The following JMJD1C variants were observed in gnomAD, a reference collection of about 807,000 sequenced individuals.
JMJD1C encodes jumonji domain containing 1C, also known as jumonji domain-containing protein 1C.
A neutral mutation model predicts 245.3 loss-of-function variants in JMJD1C; 31 were observed. That is an observed-to-expected ratio of 0.13 (90% CI 0.09 to 0.17). JMJD1C has a LOEUF of 0.17. Ranked by LOEUF, JMJD1C falls within the 10% of genes least tolerant of loss-of-function variation. The pLI is 1.00. For synonymous variants in JMJD1C, 1,057 were observed against 1,017.4 expected, an observed-to-expected ratio of 1.04 and a Z score of -0.74; for missense variants, 2,691 against 3,000.2, an observed-to-expected ratio of 0.90 and a Z score of 2.41.
chr10:63,441,938 A>G (rs1005475125), intron 1 of JMJD1C, among the ~76,000 whole-genome samples: 16 of 152,364 alleles, frequency 1.1e-4, no homozygotes, highest in African/African-American at 3.8e-4. Flanking sequence ...ACCCAAGTGA[A>G]TAACATGTAC....
intron 2 of JMJD1C, among the ~76,000 whole-genome samples, chr10:63,274,052 A>C (rs1856564779): frequency 6.6e-6 from 1 of 152,144 alleles, no homozygotes. Flanking sequence ...AAAGCAAAAA[A>C]CTCTGACAAG....
At chr10:63,245,138 A>T (rs1852019549) in intron 3 of JMJD1C, among the ~76,000 whole-genome samples, 1 of 140,336 alleles carries the variant, frequency 7.1e-6, no homozygotes, top group African/African-American at 2.9e-5. Context: ...TGTCTCAAAA[A>T]AAAAAAAAAA....
chr10:63,201,672 G>A (rs1294104705), intron 10 of JMJD1C, among the ~76,000 whole-genome samples: 1 of 152,080 alleles, frequency 6.6e-6, no homozygotes, highest in Non-Finnish European at 1.5e-5. Context: ...GCTCATGCCT[G>A]TAATCCCAGT....
intron 2 of JMJD1C, among the ~76,000 whole-genome samples, chr10:63,279,578 G>C (rs913272198): frequency 1.1e-4 from 17 of 152,256 alleles, no homozygotes; most frequent in Non-Finnish European, 2.2e-4. Context: ...GGATTGCTTT[G>C]AGACAGTGAG....
Position 63,246,697 on chromosome 10 carries a change from G to A in JMJD1C, c.447+17954C>T, listed in dbSNP as rs147234990. On this transcript the variant is annotated intron_variant, in intron 3 of 25. Coordinates refer to ENST00000399262, the MANE Select transcript of JMJD1C (RefSeq NM_032776.3). ...AAATACACAGACAATACAATGCCATGAAACAAGCCTCAACAAATTCAAAAA... is the reference window on the plus strand; with the variant it reads ...AAATACACAGACAATACAATGCCATAAAACAAGCCTCAACAAATTCAAAAA... Among the ~76,000 whole-genome samples the A allele has an allele frequency of 3.3e-3, 507 of 152,024 alleles. 3 individuals carry two copies. Among genetic ancestry groups the A allele is most frequent in the African/African-American group, 0.012 (483 of 41,472 alleles).
chr10:63,415,136 A>C (rs1467538408), intron 1 of JMJD1C, among the ~76,000 whole-genome samples: 1 of 152,186 alleles, frequency 6.6e-6, no homozygotes, highest in Non-Finnish European at 1.5e-5. Flanking sequence ...GTAAACATAT[A>C]GTTACTTAGA....
chr10:63,490,733 T>A (rs1398506884), intron 1 of JMJD1C, among the ~76,000 whole-genome samples: 1 of 152,188 alleles, frequency 6.6e-6, no homozygotes, highest in East Asian at 1.9e-4. Flanking sequence ...ATTTGCTTGC[T>A]TATTAACTGT....
intron 1 of JMJD1C, among the ~76,000 whole-genome samples, chr10:63,455,121 G>A (rs1952326760): frequency 1.3e-5 from 2 of 152,144 alleles, no homozygotes; most frequent in East Asian, 1.9e-4. Flanking sequence ...TAACAAAAAT[G>A]GTTATTTAAA....
chr10:63,378,212 C>T (rs188774308), intron 2 of JMJD1C, among the ~76,000 whole-genome samples: 1 of 152,100 alleles, frequency 6.6e-6, no homozygotes, highest in African/African-American at 2.4e-5. Flanking sequence ...TATCATTAAA[C>T]AGTATTTTCC....
chr10:63,226,796 G>GC (rs1849345223), intron 3 of JMJD1C, among the ~76,000 whole-genome samples: 1 of 150,968 alleles, frequency 6.6e-6, no homozygotes, highest in South Asian at 2.1e-4. Context: ...GGTGGCTCAT[G>GC]CCTGTAATCC....
intron 1 of JMJD1C, among the ~76,000 whole-genome samples, chr10:63,460,796 T>C (rs1425003072): frequency 6.6e-6 from 1 of 152,184 alleles, no homozygotes; most frequent in African/African-American, 2.4e-5. Flanking sequence ...CTAGTTAACA[T>C]TTTTACTTTC....
chr10:63,513,313 T>G (rs765589055), intron 1 of JMJD1C, among the ~76,000 whole-genome samples: 1 of 152,104 alleles, frequency 6.6e-6, no homozygotes, highest in Non-Finnish European at 1.5e-5. Context: ...TAACTCAAGA[T>G]GGATTTAAGA....
At chr10:63,381,524 T>A (rs576121574) in intron 1 of JMJD1C, among the ~76,000 whole-genome samples, 1 of 152,246 alleles carries the variant, frequency 6.6e-6, no homozygotes, top group East Asian at 1.9e-4. Context: ...AGAATGAGAC[T>A]CTGTCTATTC....
intron 1 of JMJD1C, among the ~76,000 whole-genome samples, chr10:63,415,123 T>C (rs1417988461): frequency 2.0e-5 from 3 of 152,156 alleles, no homozygotes; most frequent in Admixed American, 2.0e-4. Flanking sequence ...AGTATGACTT[T>C]GTGTAAACAT....
chr10:63,510,186 G>C (rs545574071), intron 1 of JMJD1C, among the ~76,000 whole-genome samples: 1 of 151,994 alleles, frequency 6.6e-6, no homozygotes, highest in East Asian at 1.9e-4. Context: ...TGTATTTTTA[G>C]TAGAGAGAGG....
chr10:63,401,368 TTG>T (rs1186873627), intron 1 of JMJD1C, among the ~76,000 whole-genome samples: 1 of 152,150 alleles, frequency 6.6e-6, no homozygotes, highest in Non-Finnish European at 1.5e-5. Flanking sequence ...TCGAAAATTG[TTG>T]TGTTTAATGT....
At chr10:63,181,604 T>C (rs1053269670) in intron 22 of JMJD1C, among the ~76,000 whole-genome samples, 7 of 152,146 alleles carry the variant, frequency 4.6e-5, no homozygotes, top group Non-Finnish European at 1.0e-4. Flanking sequence ...ACTTTTTAGA[T>C]AAAGAAAGAG....
intron 2 of JMJD1C, among the ~76,000 whole-genome samples, chr10:63,286,562 A>G (rs564553663): frequency 6.6e-6 from 1 of 152,302 alleles, no homozygotes; most frequent in South Asian, 2.1e-4. Flanking sequence ...AGGACCTTTA[A>G]ATAATTTACC....
At chr10:63,422,057 T>C (rs535198591) in intron 1 of JMJD1C, among the ~76,000 whole-genome samples, 1 of 152,284 alleles carries the variant, frequency 6.6e-6, no homozygotes, top group South Asian at 2.1e-4. Context: ...AAAAATACAA[T>C]GAAACATTTT....
Sources: allele counts gnomAD v4.1 joint callset (sites outside exome capture counted in the v4.1 genomes callset), GRCh38; gene constraint gnomAD v4.1.1; transcripts MANE v1.5; gene names NCBI Gene and HGNC (gene_info 2026-07-23, HGNC 2026-07-21).